Variants in CFAP276 observed in about 807,000 individuals in gnomAD.
The protein encoded by CFAP276 is cilia- and flagella-associated protein 276.
the CFAP276 span, among the ~76,000 whole-genome samples, chr1:109,109,688 C>T: frequency 6.6e-6 from 1 of 151,570 alleles, no homozygotes; most frequent in Non-Finnish European, 1.5e-5. Flanking sequence ...AGGCATGTGC[C>T]ACCGCATCTG....
the CFAP276 span, among the ~76,000 whole-genome samples, chr1:109,107,479 C>A: frequency 1.3e-5 from 2 of 152,150 alleles, no homozygotes; most frequent in African/African-American, 4.8e-5. Flanking sequence ...AAAACCTAAG[C>A]CTTCTGGCTT....
the CFAP276 span, chr1:109,107,036 T>C: frequency 6.2e-7 from 1 of 1,614,218 alleles, no homozygotes; most frequent in Non-Finnish European, 8.5e-7. Context: ...TTTTCTGGTT[T>C]AACAGTATCT....
At chr1:109,106,497 C>G in the CFAP276 span, 11 of 1,606,522 alleles carry the variant, frequency 6.8e-6, no homozygotes, top group East Asian at 6.7e-5. Context: ...AAGACTCCCC[C>G]ACTGCCCCAT....
chr1:109,110,626 T>C, the CFAP276 span, among the ~76,000 whole-genome samples: 1 of 152,204 alleles, frequency 6.6e-6, no homozygotes, highest in African/African-American at 2.4e-5. Context: ...AAGGGTCTCA[T>C]TTTTACTTTT....
the CFAP276 span, chr1:109,107,874 A>G: frequency 1.4e-6 from 2 of 1,472,968 alleles, no homozygotes; most frequent in Non-Finnish European, 9.3e-7. Context: ...AAAAAAAAAA[A>G]AGCCCTAAAC....
At chr1:109,108,098 T>C in the CFAP276 span, 1 of 1,203,370 alleles carries the variant, frequency 8.3e-7, no homozygotes, top group Non-Finnish European at 1.2e-6. Flanking sequence ...GCTGATGTGG[T>C]TAGCTTCAGT....
At chr1:109,110,488 C>T in the CFAP276 span, among the ~76,000 whole-genome samples, 1 of 152,158 alleles carries the variant, frequency 6.6e-6, no homozygotes, top group Admixed American at 6.5e-5. Flanking sequence ...AATGCTGATT[C>T]CCTCAAATGC....
the CFAP276 span, chr1:109,112,756 G>T: frequency 1.3e-6 from 2 of 1,529,330 alleles, no homozygotes; most frequent in African/African-American, 2.8e-5. Context: ...ATAAGATCCC[G>T]GGTCCCAATT....
At chr1:109,113,065 T>G in the CFAP276 span, among the ~76,000 whole-genome samples, 22 of 152,068 alleles carry the variant, frequency 1.4e-4, no homozygotes, top group African/African-American at 5.3e-4. Flanking sequence ...AACAAAAGGC[T>G]TTCAAAGCCA....
At chr1:109,113,726 A>G in the CFAP276 span, 1 of 1,605,484 alleles carries the variant, frequency 6.2e-7, no homozygotes, top group Non-Finnish European at 8.5e-7. Context: ...GGAGATGCTC[A>G]TAAAATAACC....
chr1:109,107,012 G>A, the CFAP276 span: 1 of 1,611,992 alleles, frequency 6.2e-7, no homozygotes, highest in Admixed American at 1.7e-5. Flanking sequence ...CTTACCTATA[G>A]GTATCCTGCG....
At chr1:109,108,130 G>C in the CFAP276 span, 5 of 912,718 alleles carry the variant, frequency 5.5e-6, no homozygotes, top group Non-Finnish European at 8.8e-6. Flanking sequence ...ATTCCATCCA[G>C]TTTTGTGTTT....
At chr1:109,108,028 A>G in the CFAP276 span, 36 of 1,451,752 alleles carry the variant, frequency 2.5e-5, no homozygotes, top group Middle Eastern at 3.4e-4. Flanking sequence ...GGGTTCTTAT[A>G]TGGCAATTTC....
chr1:109,111,664 C>G, the CFAP276 span, among the ~76,000 whole-genome samples: 7 of 152,162 alleles, frequency 4.6e-5, no homozygotes, highest in Non-Finnish European at 8.8e-5. Context: ...GCCATTCTCT[C>G]TCTCCTTTCC....
chr1:109,108,309 AT>A, the CFAP276 span, among the ~76,000 whole-genome samples: 1 of 152,002 alleles, frequency 6.6e-6, no homozygotes, highest in Non-Finnish European at 1.5e-5. Context: ...TGCCCGGCTA[AT>A]TTTTGTATTT....
chr1:109,107,619 T>C, the CFAP276 span, among the ~76,000 whole-genome samples: 18 of 151,968 alleles, frequency 1.2e-4, no homozygotes, highest in Non-Finnish European at 2.6e-4. Context: ...CTGGGTGCAG[T>C]GGCTCATGCC....
At chr1:109,113,371 CGAGAGAGTGAGACCCTGTCTCAGAGAGA>C in the CFAP276 span, among the ~76,000 whole-genome samples, 1 of 128,182 alleles carries the variant, frequency 7.8e-6, no homozygotes, top group Non-Finnish European at 1.6e-5. Flanking sequence ...CCAGTGTGGG[CGAGAGAGTGAGACCCTGTCTCAGAGAGA>C]GAGAGAGAGA....
At chr1:109,112,704 A>C in the CFAP276 span, 1 of 1,548,628 alleles carries the variant, frequency 6.5e-7, no homozygotes, top group East Asian at 2.4e-5. Flanking sequence ...CTCTTTTAAG[A>C]GGGATGGGAG....
the CFAP276 span, among the ~76,000 whole-genome samples, chr1:109,109,576 G>A: frequency 1.6e-4 from 18 of 114,484 alleles, no homozygotes; most frequent in Non-Finnish European, 1.8e-4. Flanking sequence ...TCGCTCTGTC[G>A]CCCAGACTGG....
Sources: allele counts gnomAD v4.1 joint callset (sites outside exome capture counted in the v4.1 genomes callset), GRCh38; gene constraint gnomAD v4.1.1; transcripts MANE v1.5; gene names NCBI Gene and HGNC (gene_info 2026-07-23, HGNC 2026-07-21).